Variants in SNRNP200 observed in about 807,000 individuals in gnomAD.
SNRNP200 encodes the protein U5 small nuclear ribonucleoprotein 200 kDa helicase.
A neutral mutation model predicts 255.2 loss-of-function variants in SNRNP200; 66 were observed. The ratio of observed to expected loss-of-function variants is 0.26; its 90% CI spans 0.21 to 0.32. The LOEUF (loss-of-function observed/expected upper bound fraction) is 0.32, where lower values mean the gene tolerates loss of function less well. SNRNP200 is among the 10% of genes least tolerant of loss of function. The pLI is 1.00. For missense variants in SNRNP200, 1,585 were observed against 2,749.8 expected (o/e 0.58, Z 9.47); for synonymous variants, 939 against 1,027.8 (o/e 0.91, Z 1.65).
Position 96,281,846 on chromosome 2 carries a change from CATG to C in SNRNP200, c.4989_4991del (p.Ile1663del), listed in dbSNP as rs1434410149. ...TCTTGCCATTGTAGTACTGGGTATC[CATG>C]ATGATTACCAGGTGGGCAGCCACGT... On this transcript the variant is annotated inframe_deletion, in exon 35 of 45. Transcript: ENST00000323853. The C allele has an allele frequency of 1.9e-6, 3 of 1,614,070 alleles. No individual in the cohort carries two copies. The highest frequency in any genetic ancestry group is 1.7e-6 in the Non-Finnish European group (2 of 1,179,958).
Position 96,286,499 on chromosome 2 carries a change from A to T in SNRNP200, c.3830-15T>A. On this transcript the variant is annotated splice_polypyrimidine_tract_variant and intron_variant, in intron 28 of 44. Coordinates refer to ENST00000323853, the MANE Select transcript of SNRNP200 (RefSeq NM_014014.5). The surrounding 1 kb of genome is among the most constrained non-coding windows in gnomAD (Gnocchi z 4.8). ...GGTCTCACAAGCTGCCAGAAAAGAA[A>T]CAGGAAGGATATAAGCACTGCTCTC... The T allele has an allele frequency of 6.2e-7, 1 of 1,613,926 alleles. No homozygotes were observed. Among genetic ancestry groups the T allele is most frequent in the Non-Finnish European group, 8.5e-7 (1 of 1,179,996 alleles).
At chr2:96,281,496 A>C in intron 35 of SNRNP200, 2 of 369,054 alleles carry the variant, frequency 5.4e-6, no homozygotes, top group Non-Finnish European at 1.1e-5. Flanking sequence ...TTGTCACTAT[A>C]TAGGTGTATG....
intron 21 of SNRNP200, 85 bp downstream of exon 21, chr2:96,289,714 A>C (rs1449035490): frequency 8.4e-7 from 1 of 1,188,978 alleles, no homozygotes; most frequent in Non-Finnish European, 1.3e-6. Flanking sequence ...GGCAGTACTC[A>C]CATCAAGAGA....
rs571016719 is a variant in SNRNP200 at position 96,290,232 on chromosome 2, G to A, written c.2742+94C>T. On this transcript the variant is annotated intron_variant, in intron 20 of 44. Transcript: ENST00000323853. The surrounding 1 kb of genome is among the most constrained non-coding windows in gnomAD (Gnocchi z 4.5). ...GGTGCAGGGATGGAAGGCCTCGGAC[G>A]CTGCTGGCCCGCAGCACAATAGGGA... 116 of 1,374,474 alleles carry A rather than the reference G, an allele frequency of 8.4e-5. No individual in the cohort carries two copies. The South Asian group carries it at 8.6e-4, about 10-fold the overall frequency. 85.1% of individuals were successfully genotyped at this position (1,374,474 alleles called of 1,614,324 possible).
At chr2:96,275,611 TAAGTCCAA>T (rs1373928551) in intron 43 of SNRNP200, among the ~76,000 whole-genome samples, 2 of 152,228 alleles carry the variant, frequency 1.3e-5, no homozygotes, top group African/African-American at 4.8e-5. Context: ...TACCTGCCAC[TAAGTCCAA>T]GGTACTACTA....
rs370744807 is a variant in SNRNP200, at chr2:96,284,619, A to T, written c.4165-34T>A. ...CAGAGGAGGGAGGCAGAACAACACTAGGCCATACCAGGCATCTTTCACTTA... is the reference window on the plus strand; with the variant it reads ...CAGAGGAGGGAGGCAGAACAACACTTGGCCATACCAGGCATCTTTCACTTA... On this transcript the variant is annotated intron_variant, in intron 30 of 44. Coordinates refer to ENST00000323853, the MANE Select transcript of SNRNP200 (RefSeq NM_014014.5). 226 of 1,394,446 alleles carry T rather than the reference A, an allele frequency of 1.6e-4. No individual in the cohort carries two copies. In the African/African-American group the frequency reaches 2.5e-3, roughly 15 times the overall value. 86.4% of individuals were successfully genotyped at this position (1,394,446 alleles called of 1,614,324 possible).
In SNRNP200 at chr2:96,291,627, G is replaced by A; in HGVS notation, c.2310+124C>T. 1 of 1,304,328 alleles carries A rather than the reference G, an allele frequency of 7.7e-7. No homozygotes were observed. Among genetic ancestry groups the A allele is most frequent in the Non-Finnish European group, 1.1e-6 (1 of 902,948 alleles). 80.8% of individuals were successfully genotyped at this position (1,304,328 alleles called of 1,614,324 possible). A position where few individuals can be genotyped will look rare whatever the true frequency, so the allele number is the denominator to read the frequency against. ...TGTGGAATAGTAATAATCACATCCA[G>A]ACAATCAACCTTAACCCATGGGAAA... is the stretch of plus-strand genomic sequence containing the variant. On this transcript the variant is annotated intron_variant, in intron 17 of 44. Transcript: ENST00000323853. The surrounding 1 kb of genome is among the most constrained non-coding windows in gnomAD (Gnocchi z 4.2).
intron 43 of SNRNP200, 50 bp from the exon 44 acceptor site, chr2:96,275,399 T>TTTTCATGGTTGCCTATGGTC: frequency 6.8e-7 from 1 of 1,477,476 alleles, no homozygotes; most frequent in Non-Finnish European, 9.5e-7. Flanking sequence ...TTGATGACCA[T>TTTTCATGGTTGCCTATGGTC]AGGCAACCAT....
rs565284122 is a variant in SNRNP200 at position 96,289,932 on chromosome 2, T to G, written c.2807A>C (p.Tyr936Ser). The part of the protein sequence containing the change: ...YIRMLRSPTL[Y>S]GISHDDLKGD... ...CTTGAGGTCATCATGAGAGATGCCA[T>G]AGAGGGTTGGGGATCGCAGCATTCG... Residue 936 changes from tyrosine (Y) to serine (S), a missense_variant, in exon 21 of 45, where the codon TAT (tyrosine) becomes TCT (serine). Physicochemically the swap from Tyr to Ser is moderately radical, Grantham distance 144. Around this residue, in one of 9 missense-constraint regions of SNRNP200, gnomAD observed 719 missense variants for 1,091.1 expected, o/e 0.66. Coordinates refer to ENST00000323853, the MANE Select transcript of SNRNP200 (RefSeq NM_014014.5). 1 of 1,614,068 alleles carries G rather than the reference T, an allele frequency of 6.2e-7. No homozygotes were observed. Among genetic ancestry groups the G allele is most frequent in the Non-Finnish European group, 8.5e-7 (1 of 1,180,006 alleles).
intron 5 of SNRNP200, among the ~76,000 whole-genome samples, 189 bp downstream of exon 5, chr2:96,300,809 C>T (rs576617145): frequency 6.6e-6 from 1 of 152,124 alleles, no homozygotes; most frequent in Admixed American, 6.5e-5. Flanking sequence ...TTTAAATTTG[C>T]GGTAGCAAAG....
rs1195377800 is a variant in SNRNP200 at position 96,298,842 on chromosome 2, C to T, written c.855G>A (p.Lys285=). 1.9e-6 allele frequency: 3 copies of T among 1,614,148 alleles called. No individual in the cohort carries two copies. The highest frequency in any genetic ancestry group is 3.3e-5 in the Admixed American group (2 of 60,014). The change falls in exon 7 of 45, where the codon AAG becomes AAA. Residue 285 remains lysine (K), a synonymous_variant. Coordinates refer to ENST00000323853, the MANE Select transcript of SNRNP200 (RefSeq NM_014014.5). ...FYDDAIVSQK[K]ADEVLEILKT... ...TCAAAATCTCCAATACTTCATCTGC[C>T]TTCTTCTGCGACACGATGGCATCAT...
At chr2:96,293,261 G>A in intron 15 of SNRNP200, 55 bp downstream of exon 15, 1 of 1,591,076 alleles carries the variant, frequency 6.3e-7, no homozygotes, top group South Asian at 1.1e-5. Context: ...TTGGAAAAGA[G>A]GAAAGAGAGC....
Position 96,293,354 on chromosome 2 carries a change from A to G in SNRNP200, c.1998T>C (p.Arg666=). 1 of 1,614,214 alleles carries G rather than the reference A, an allele frequency of 6.2e-7. No individual in the cohort carries two copies. The highest frequency in any genetic ancestry group is 1.3e-5 in the African/African-American group (1 of 75,068). The change falls in exon 15 of 45, where the codon CGT becomes CGC. Residue 666 remains arginine, a synonymous_variant. Coordinates refer to ENST00000323853, the MANE Select transcript of SNRNP200 (RefSeq NM_014014.5). ...PNYEDVATFL[R]VDPAKGLFYF... ...AAAAGAGACCCTTGGCAGGGTCAAC[A>G]CGTAGAAAGGTGGCTACATCTTCAT...
chr2:96,304,903 T>C (rs1392202879), intron 1 of SNRNP200, 35 bp from the exon 2 acceptor site: 4 of 1,604,456 alleles, frequency 2.5e-6, no homozygotes, highest in African/African-American at 2.7e-5. Flanking sequence ...AGCTTTGACA[T>C]GAGCAGGGCC....
chr2:96,280,802 C>T lies in SNRNP200; in HGVS notation c.5024+1012G>A, dbSNP rs535306908. Among the ~76,000 whole-genome samples, 27 of 151,738 alleles carry T rather than the reference C, an allele frequency of 1.8e-4. 1 individual carries two copies. The South Asian group carries it at 5.4e-3, about 30-fold the overall frequency. On this transcript the variant is annotated intron_variant, in intron 35 of 44. Coordinates refer to ENST00000323853, the MANE Select transcript of SNRNP200 (RefSeq NM_014014.5). ...TGACCTTGTGATCCACCCGCCTTGG[C>T]CTCCCAAAGTGCTGGGATTACAGGC...
At chr2:96,281,580 G>GC in intron 35 of SNRNP200, 1 of 519,724 alleles carries the variant, frequency 1.9e-6, no homozygotes, top group Non-Finnish European at 3.5e-6. Flanking sequence ...ATTCCTCCTG[G>GC]CTCTAATTTC....
intron 14 of SNRNP200, 22 bp from the exon 15 acceptor site, chr2:96,293,531 A>G: frequency 1.9e-6 from 3 of 1,604,900 alleles, no homozygotes; most frequent in South Asian, 1.1e-5. Flanking sequence ...GAGGACAGAA[A>G]TTACCTCTAG....
intron 5 of SNRNP200, among the ~76,000 whole-genome samples, chr2:96,300,517 T>C (rs2063945581): frequency 6.6e-6 from 1 of 152,176 alleles, no homozygotes; most frequent in Non-Finnish European, 1.5e-5. Flanking sequence ...TCCCAGCACT[T>C]TGGGAGGCCG....
chr2:96,295,457 A>G, intron 14 of SNRNP200, 31 bp downstream of exon 14: 2 of 1,612,316 alleles, frequency 1.2e-6, no homozygotes, highest in East Asian at 4.5e-5. Flanking sequence ...ACACAACTGG[A>G]CTCTATATTC....
Sources: allele counts gnomAD v4.1 joint callset (sites outside exome capture counted in the v4.1 genomes callset), GRCh38; gene constraint gnomAD v4.1.1; regional missense constraint gnomAD v4.1.1; non-coding constraint Gnocchi (gnomAD v3.1); transcripts MANE v1.5; gene names NCBI Gene and HGNC (gene_info 2026-07-23, HGNC 2026-07-21).